Variants in CPHXL2 observed in about 807,000 individuals in gnomAD.
CPHXL2 encodes the protein cytoplasmic polyadenylated homeobox-like protein 2.
the CPHXL2 span, chr16:75,661,183 T>G: frequency 2.5e-6 from 1 of 400,734 alleles, no homozygotes; most frequent in Non-Finnish European, 4.4e-6. Context: ...TCGTGTTTTT[T>G]CCAAGTAAGA....
the CPHXL2 span, among the ~76,000 whole-genome samples, chr16:75,672,723 C>T: frequency 6.6e-6 from 1 of 152,094 alleles, no homozygotes; most frequent in African/African-American, 2.4e-5. Context: ...CTTGTAGGAT[C>T]AAGCAATCCT....
the CPHXL2 span, among the ~76,000 whole-genome samples, chr16:75,676,235 T>G: frequency 6.6e-6 from 1 of 152,070 alleles, no homozygotes; most frequent in Non-Finnish European, 1.5e-5. Context: ...CTTCCATACT[T>G]TACATATGGA....
the CPHXL2 span, among the ~76,000 whole-genome samples, chr16:75,676,045 C>G: frequency 2.6e-5 from 4 of 151,992 alleles, no homozygotes; most frequent in African/African-American, 9.7e-5. Flanking sequence ...CGCCATTGCA[C>G]TCCAGCCTGG....
At chr16:75,675,190 AG>A in the CPHXL2 span, among the ~76,000 whole-genome samples, 2 of 148,984 alleles carry the variant, frequency 1.3e-5, no homozygotes, top group Non-Finnish European at 3.0e-5. Flanking sequence ...CTGTCTCAAA[AG>A]AAAAAAAAAA....
At chr16:75,661,200 C>T in the CPHXL2 span, 1 of 400,758 alleles carries the variant, frequency 2.5e-6, no homozygotes, top group Non-Finnish European at 4.4e-6. Context: ...AAGAAATATT[C>T]TTTGTCTTTC....
chr16:75,668,941 C>T, the CPHXL2 span, among the ~76,000 whole-genome samples: 2 of 152,036 alleles, frequency 1.3e-5, no homozygotes, highest in Non-Finnish European at 2.9e-5. Context: ...TTTGATTACT[C>T]TCTCCCATTT....
the CPHXL2 span, among the ~76,000 whole-genome samples, chr16:75,674,345 C>T: frequency 4.1e-4 from 55 of 133,242 alleles, 1 homozygote; most frequent in South Asian, 0.012. Flanking sequence ...TGCACTCCAG[C>T]CTGGGTGACA....
the CPHXL2 span, among the ~76,000 whole-genome samples, chr16:75,666,241 A>C: frequency 6.6e-6 from 1 of 152,152 alleles, no homozygotes; most frequent in African/African-American, 2.4e-5. Flanking sequence ...CACAATCCTA[A>C]ATATATATGC....
the CPHXL2 span, among the ~76,000 whole-genome samples, chr16:75,671,090 A>G: frequency 6.6e-6 from 1 of 152,152 alleles, no homozygotes; most frequent in Admixed American, 6.6e-5. Context: ...CCTATTAAAA[A>G]TGGAAAAACA....
the CPHXL2 span, among the ~76,000 whole-genome samples, chr16:75,666,608 C>CAAAAAAA: frequency 4.6e-5 from 3 of 65,124 alleles, no homozygotes; most frequent in African/African-American, 5.5e-5. Flanking sequence ...AACTCTATCT[C>CAAAAAAA]AAAAAAAAAA....
chr16:75,674,469 T>A, the CPHXL2 span, among the ~76,000 whole-genome samples: 1 of 151,906 alleles, frequency 6.6e-6, no homozygotes, highest in East Asian at 1.9e-4. Flanking sequence ...GGATAGTTTA[T>A]GTACAAGATT....
the CPHXL2 span, chr16:75,660,324 C>T: frequency 2.5e-6 from 1 of 398,346 alleles, no homozygotes; most frequent in African/African-American, 2.1e-5. Flanking sequence ...CAACCTAAAA[C>T]TGCTGCATTT....
chr16:75,667,180 C>T, the CPHXL2 span, among the ~76,000 whole-genome samples: 1,898 of 151,904 alleles, frequency 0.012, 49 homozygotes, highest in African/African-American at 0.043. Context: ...GGTGTGGTAG[C>T]GTGTGCCTGT....
the CPHXL2 span, among the ~76,000 whole-genome samples, chr16:75,668,448 C>T: frequency 5.9e-5 from 9 of 152,058 alleles, no homozygotes; most frequent in African/African-American, 2.2e-4. Context: ...AGGCTGGTCT[C>T]AAACTCCTGA....
chr16:75,672,467 T>C, the CPHXL2 span, among the ~76,000 whole-genome samples: 1 of 152,054 alleles, frequency 6.6e-6, no homozygotes, highest in African/African-American at 2.4e-5. Context: ...GGCTCACACC[T>C]GTAATGCCAG....
At chr16:75,663,416 C>A in the CPHXL2 span, among the ~76,000 whole-genome samples, 1 of 152,148 alleles carries the variant, frequency 6.6e-6, no homozygotes, top group African/African-American at 2.4e-5. Context: ...ACCAAAAATA[C>A]AATTCTAAGG....
chr16:75,670,611 C>T, the CPHXL2 span, among the ~76,000 whole-genome samples: 10 of 152,114 alleles, frequency 6.6e-5, no homozygotes, highest in African/African-American at 2.4e-4. Context: ...TGGGTTCAAG[C>T]GATTCTTGCG....
chr16:75,665,077 A>T, the CPHXL2 span, among the ~76,000 whole-genome samples: 1 of 152,236 alleles, frequency 6.6e-6, no homozygotes, highest in African/African-American at 2.4e-5. Flanking sequence ...GGCAGCGCTC[A>T]TGAGAGTCTA....
chr16:75,662,317 T>TC, the CPHXL2 span, among the ~76,000 whole-genome samples: 2 of 150,240 alleles, frequency 1.3e-5, no homozygotes, highest in Non-Finnish European at 1.5e-5. Context: ...TTTTTTTTTT[T>TC]CCCTTTTTCT....
Sources: gnomAD v4.1 joint callset for allele counts (sites outside exome capture counted in the v4.1 genomes callset) on GRCh38, gnomAD v4.1.1 for gene constraint, MANE v1.5 for transcripts, NCBI Gene and HGNC (gene_info 2026-07-23, HGNC 2026-07-21) for gene names.